The following ANK2 variants were observed in gnomAD, a reference collection of about 807,000 sequenced individuals.
ANK2 encodes the protein ankyrin-2.
Under a neutral mutation model 360.5 loss-of-function variants are expected in ANK2, and 83 were observed. The observed-to-expected ratio is 0.23, with a 90% CI of 0.19 to 0.28. The LOEUF (loss-of-function observed/expected upper bound fraction) is 0.28, where lower values mean the gene tolerates loss of function less well. ANK2 is among the 10% of genes least tolerant of loss of function. ANK2 has a pLI of 1.00. For missense variants in ANK2, 4,201 were observed against 4,795.7 expected (o/e 0.88, Z 3.66); for synonymous variants, 1,740 against 1,759.5 (o/e 0.99, Z 0.28).
intron 1 of ANK2, among the ~76,000 whole-genome samples, chr4:113,077,934 T>C (rs772598090): frequency 6.6e-6 from 1 of 152,130 alleles, no homozygotes; most frequent in Non-Finnish European, 1.5e-5. Context: ...AGGCAGTAAA[T>C]ATGTAAAATA....
At chr4:113,206,402 C>G (rs74770367) in intron 4 of ANK2, among the ~76,000 whole-genome samples, 1 of 152,160 alleles carries the variant, frequency 6.6e-6, no homozygotes. Flanking sequence ...CGTCCATGTT[C>G]CCGCAAAGGA....
rs560411396 is a variant in ANK2 at position 112,981,395 on chromosome 4, A to T, written c.21+76881A>T. ...TACAGGCGATGAAGAGGAGGAGGAG[A>T]GAAGCGGATTGAGAACAGTTAGGAG... On this transcript the variant is annotated intron_variant, in intron 2 of 30. Coordinates refer to the ANK2 transcript ENST00000503271. Among the ~76,000 whole-genome samples, 11 of 152,320 alleles carry T rather than the reference A, an allele frequency of 7.2e-5. No individual in the cohort carries two copies. In the South Asian group the frequency reaches 2.3e-3, roughly 32 times the overall value.
intron 1 of ANK2, among the ~76,000 whole-genome samples, chr4:113,173,608 C>T (rs1434583978): frequency 1.3e-5 from 2 of 152,160 alleles, no homozygotes; most frequent in African/African-American, 4.8e-5. Context: ...GTGATTGTAA[C>T]TGTGCATCTG....
At chr4:112,772,464 A>G in the ANK2 span, among the ~76,000 whole-genome samples, 7,125 of 152,288 alleles carry the variant, frequency 0.047, 216 homozygotes, top group Non-Finnish European at 0.077. Flanking sequence ...AAATCATATC[A>G]GTGCCTTATT....
intron 2 of ANK2, among the ~76,000 whole-genome samples, chr4:112,985,354 CTG>C (rs2044486679): frequency 1.3e-5 from 2 of 152,220 alleles, no homozygotes; most frequent in South Asian, 4.1e-4. Flanking sequence ...CAAATGCTAA[CTG>C]TGAGTCTATT....
chr4:112,749,504 C>G, the ANK2 span, among the ~76,000 whole-genome samples: 1 of 152,170 alleles, frequency 6.6e-6, no homozygotes, highest in Non-Finnish European at 1.5e-5. Context: ...TATGGAAACT[C>G]ATGAGCTCTT....
In ANK2 at chr4:112,963,131, C is replaced by T. The variant is rs1252959812; in HGVS notation, c.21+58617C>T. ...CATTGTCGTGGTGATATGGTTCAGC[C>T]TTCTAAGTGATTTCAAGCTTTTCCC... On this transcript the variant is annotated intron_variant, in intron 2 of 30. Transcript: ENST00000503271. 2.0e-5 allele frequency among the ~76,000 whole-genome samples: 3 copies of T among 152,036 alleles called. No homozygotes were observed. In the East Asian group the frequency reaches 5.8e-4, roughly 29 times the overall value.
intron 9 of ANK2, 128 bp from the exon 10 acceptor site, chr4:113,249,636 G>T: frequency 1.2e-6 from 1 of 812,256 alleles, no homozygotes; most frequent in Non-Finnish European, 2.1e-6. Context: ...TTAACAAATT[G>T]CAGTTCTATT....
At chr4:112,716,789 A>C in the ANK2 span, among the ~76,000 whole-genome samples, 1 of 152,228 alleles carries the variant, frequency 6.6e-6, no homozygotes, top group African/African-American at 2.4e-5. Flanking sequence ...AAGTTATACA[A>C]GAATGTGGTA....
chr4:113,128,074 A>C (rs999334209), intron 1 of ANK2, among the ~76,000 whole-genome samples: 2 of 152,210 alleles, frequency 1.3e-5, no homozygotes, highest in African/African-American at 4.8e-5. Flanking sequence ...GTAAGTTTGA[A>C]GTGGTGGCAG....
chr4:113,250,764 C>CCCG (rs1554340374), intron 10 of ANK2, among the ~76,000 whole-genome samples: 3 of 139,712 alleles, frequency 2.1e-5, no homozygotes, highest in Admixed American at 7.2e-5. Flanking sequence ...CGCCCCCCCC[C>CCCG]CCGACAGAGT....
intron 2 of ANK2, among the ~76,000 whole-genome samples, chr4:113,005,461 G>A (rs2052491913): frequency 6.6e-6 from 1 of 152,110 alleles, no homozygotes; most frequent in African/African-American, 2.4e-5. Context: ...AGGTCATTAG[G>A]TTAAGTGAAA....
At chr4:113,209,910 T>C (rs1344742340) in intron 4 of ANK2, among the ~76,000 whole-genome samples, 1 of 150,174 alleles carries the variant, frequency 6.7e-6, no homozygotes, top group Non-Finnish European at 1.5e-5. Context: ...CAGGAGGAAG[T>C]GTAAAACAAA....
At chr4:113,333,287 G>GGTGTGTGTTTGT in intron 29 of ANK2, 79 bp downstream of exon 29, 13 of 1,489,110 alleles carry the variant, frequency 8.7e-6, no homozygotes, top group Non-Finnish European at 1.1e-5. Flanking sequence ...ATGACCTAGG[G>GGTGTGTGTTTGT]GTGTGTGTAT....
chr4:112,787,349 A>G, the ANK2 span, among the ~76,000 whole-genome samples: 1 of 152,186 alleles, frequency 6.6e-6, no homozygotes, highest in Non-Finnish European at 1.5e-5. Context: ...TTCAGGGTAG[A>G]CTTGTGTATT....
At chr4:112,961,600 C>CT (rs1429929079) in intron 2 of ANK2, among the ~76,000 whole-genome samples, 1 of 152,064 alleles carries the variant, frequency 6.6e-6, no homozygotes, top group Non-Finnish European at 1.5e-5. Context: ...ATACCATTTG[C>CT]TTTTTGCAGA....
intron 5 of ANK2, among the ~76,000 whole-genome samples, chr4:113,234,114 A>C (rs950584375): frequency 1.3e-5 from 2 of 152,200 alleles, no homozygotes; most frequent in Admixed American, 6.5e-5. Flanking sequence ...AAATAGACTT[A>C]AGGTTTCTAG....
intron 2 of ANK2, among the ~76,000 whole-genome samples, chr4:112,937,957 A>G (rs1357159257): frequency 6.6e-6 from 1 of 152,220 alleles, no homozygotes; most frequent in Non-Finnish European, 1.5e-5. Flanking sequence ...AATCTAACTC[A>G]TAGTGTTGTT....
In ANK2 at chr4:113,098,293, G is replaced by A. The variant is rs200467534; in HGVS notation, c.84+48481G>A. Among the ~76,000 whole-genome samples the A allele has an allele frequency of 5.0e-4, 76 of 151,964 alleles. No individual in the cohort carries two copies. In the East Asian group the frequency reaches 6.2e-3, roughly 12 times the overall value. ...CTGATTATTTGAAAAGATATATAAA[G>A]TTGATAAAATTTTAGTCAAACTAAC... On this transcript the variant is annotated intron_variant, in intron 1 of 45. Coordinates refer to ENST00000357077, the MANE Select transcript of ANK2 (RefSeq NM_001148.6).
Sources: gnomAD v4.1 joint callset for allele counts (sites outside exome capture counted in the v4.1 genomes callset) on GRCh38, gnomAD v4.1.1 for gene constraint, MANE v1.5 for transcripts, NCBI Gene and HGNC (gene_info 2026-07-23, HGNC 2026-07-21) for gene names.